The following MYO5B variants were observed in gnomAD, a reference collection of about 807,000 sequenced individuals.
The protein encoded by MYO5B is unconventional myosin-Vb.
MYO5B carries 143 observed loss-of-function variants against 229.3 expected under a neutral mutation model. That is an observed-to-expected ratio of 0.62 (90% CI 0.54 to 0.72). The LOEUF (loss-of-function observed/expected upper bound fraction) is 0.72, where lower values mean the gene tolerates loss of function less well. MYO5B is among the 30% of genes least tolerant of loss of function. The pLI, the probability that MYO5B is intolerant of heterozygous loss-of-function variation, is 0.00. For missense variants in MYO5B, 2,321 were observed against 2,331.0 expected, an observed-to-expected ratio of 1.00 and a Z score of 0.09; for synonymous variants, 918 against 885.2, an observed-to-expected ratio of 1.04 and a Z score of -0.66.
chr18:49,845,211 T>C (rs765763014), intron 33 of MYO5B, among the ~76,000 whole-genome samples: 5 of 152,222 alleles, frequency 3.3e-5, no homozygotes, highest in Non-Finnish European at 5.9e-5. Context: ...TTGAACAAGA[T>C]GCAGTCTGTT....
chr18:50,069,329 C>T lies in MYO5B; in HGVS notation c.28-13951G>A, dbSNP rs544181198. ...CTCTGGAGTCTGTTTTCACTGCTGA[C>T]GTAAGGATGAAGAACAGCATCATGT... is the stretch of plus-strand genomic sequence containing the variant. On this transcript the variant is annotated intron_variant, in intron 1 of 39. Coordinates refer to ENST00000285039, the MANE Select transcript of MYO5B (RefSeq NM_001080467.3). 4.6e-5 allele frequency among the ~76,000 whole-genome samples: 7 copies of T among 152,250 alleles called. No homozygotes were observed. In the East Asian group the frequency reaches 9.6e-4, roughly 21 times the overall value.
intron 5 of MYO5B, among the ~76,000 whole-genome samples, chr18:49,993,696 C>G (rs1235069819): frequency 6.6e-6 from 1 of 152,104 alleles, no homozygotes; most frequent in Non-Finnish European, 1.5e-5. Flanking sequence ...ATAGCCTTAG[C>G]CTGCAACATT....
intron 26 of MYO5B, among the ~76,000 whole-genome samples, chr18:49,872,658 G>A (rs1408339389): frequency 2.6e-5 from 4 of 152,116 alleles, no homozygotes; most frequent in East Asian, 3.9e-4. Context: ...GTCGGAAGAC[G>A]ACACAGGGAA....
chr18:49,926,464 G>C (rs538645584), intron 17 of MYO5B, among the ~76,000 whole-genome samples: 13 of 152,196 alleles, frequency 8.5e-5, no homozygotes, highest in African/African-American at 3.1e-4. Context: ...TGTTAGGACA[G>C]AGGGTCCCAG....
At chr18:49,923,636 G>A (rs1227382835) in intron 17 of MYO5B, among the ~76,000 whole-genome samples, 2 of 152,180 alleles carry the variant, frequency 1.3e-5, no homozygotes, top group African/African-American at 4.8e-5. Flanking sequence ...ATAGACCTCT[G>A]CCTGAGCATG....
At chr18:49,842,460 G>A (rs976363621) in intron 34 of MYO5B, among the ~76,000 whole-genome samples, 1 of 152,238 alleles carries the variant, frequency 6.6e-6, no homozygotes, top group Non-Finnish European at 1.5e-5. Flanking sequence ...CAGAGCTTTT[G>A]AGAATGGCTT....
chr18:49,863,431 C>G (rs1025319553), intron 28 of MYO5B, 104 bp from the exon 29 acceptor site: 5 of 966,554 alleles, frequency 5.2e-6, no homozygotes, highest in Non-Finnish European at 8.1e-6. Context: ...AAGACAAAGG[C>G]CTGGAAAGAA....
At chr18:50,097,350 C>T (rs1053810524) in intron 1 of MYO5B, 1 of 446,416 alleles carries the variant, frequency 2.2e-6, no homozygotes, top group Non-Finnish European at 4.6e-6. Context: ...CCTTACCATT[C>T]TTTTGATTCC....
intron 1 of MYO5B, among the ~76,000 whole-genome samples, chr18:50,123,276 C>A (rs1042045876): frequency 6.6e-6 from 1 of 152,050 alleles, no homozygotes; most frequent in African/African-American, 2.4e-5. Flanking sequence ...CTACCAGGGG[C>A]CAACAGGAGG....
chr18:50,112,184 C>G (rs781010959), intron 1 of MYO5B, among the ~76,000 whole-genome samples: 11 of 152,132 alleles, frequency 7.2e-5, no homozygotes, highest in Non-Finnish European at 1.3e-4. Flanking sequence ...GAGAGCAAAC[C>G]TCCTAAATAT....
intron 29 of MYO5B, among the ~76,000 whole-genome samples, chr18:49,858,093 G>T (rs1360015014): frequency 6.6e-6 from 1 of 152,158 alleles, no homozygotes; most frequent in Non-Finnish European, 1.5e-5. Flanking sequence ...ACCATCTGAA[G>T]GGACTTCCTC....
chr18:50,179,977 T>A (rs985896768), intron 1 of MYO5B, among the ~76,000 whole-genome samples: 1 of 152,170 alleles, frequency 6.6e-6, no homozygotes, highest in African/African-American at 2.4e-5. Context: ...GGAAGGTCCA[T>A]AACCATAAGC....
chr18:49,911,313 A>G (rs1408974871), intron 18 of MYO5B, among the ~76,000 whole-genome samples: 1 of 152,224 alleles, frequency 6.6e-6, no homozygotes, highest in Non-Finnish European at 1.5e-5. Context: ...ATTCTGCTGG[A>G]GTTCAGTCAG....
At chr18:49,879,642 TCATGTGGTTC>T (rs551670263) in intron 23 of MYO5B, among the ~76,000 whole-genome samples, 2 of 152,316 alleles carry the variant, frequency 1.3e-5, no homozygotes, top group Admixed American at 1.3e-4. Context: ...GACTGTGAGG[TCATGTGGTTC>T]CATCCTCTTG....
intron 12 of MYO5B, among the ~76,000 whole-genome samples, chr18:49,961,023 G>A (rs7244316): frequency 0.13 from 19,911 of 152,170 alleles, 1,799 homozygotes; most frequent in African/African-American, 0.25. Context: ...TGGAGGAGAC[G>A]GTTACTGATG....
In MYO5B at chr18:49,826,516, G is replaced by T. The variant is rs778880644; in HGVS notation, c.5502C>A (p.Ile1834=). The part of the protein sequence containing the change: ...FNPSSLTMDS[I]HIPACLNLEF... ...CCAGATTGAGACACGCTGGGATGTG[G>T]ATTGAGTCCATGGTTAGAGAAGATG... Residue 1834 remains isoleucine, a synonymous_variant, in exon 40 of 40, where the codon ATC becomes ATA. Coordinates refer to ENST00000285039, the MANE Select transcript of MYO5B (RefSeq NM_001080467.3). 1.6e-5 allele frequency: 26 copies of T among 1,613,956 alleles called. No homozygotes were observed. In the East Asian group the frequency reaches 5.8e-4, roughly 36 times the overall value.
At chr18:49,962,032 C>T (rs1658208257) in intron 12 of MYO5B, among the ~76,000 whole-genome samples, 1 of 152,100 alleles carries the variant, frequency 6.6e-6, no homozygotes, top group South Asian at 2.1e-4. Flanking sequence ...CACCCAGGCT[C>T]CCCCAAGAGA....
rs2032887651 is a variant in MYO5B at position 50,168,649 on chromosome 18, G to A, written c.27+26118C>T. On this transcript the variant is annotated intron_variant, in intron 1 of 39. Coordinates refer to ENST00000285039, the MANE Select transcript of MYO5B (RefSeq NM_001080467.3). ...ACCCCCACCACTGTTCCAACCCTGT[G>A]TGAATCTCAGACACCACGACCCCTA... Among the ~76,000 whole-genome samples the A allele has an allele frequency of 3.2e-5, 2 of 62,758 alleles. 1 individual carries two copies. Among genetic ancestry groups the A allele is most frequent in the Admixed American group, 3.7e-4 (2 of 5,444 alleles). 41.2% of individuals were successfully genotyped at this position (62,758 alleles called of 152,430 possible).
At chr18:50,074,674 C>G in intron 1 of MYO5B, among the ~76,000 whole-genome samples, 1 of 152,254 alleles carries the variant, frequency 6.6e-6, no homozygotes, top group Middle Eastern at 3.4e-3. Context: ...TTTTCCCGAC[C>G]AACTAATGTA....
Sources: allele counts gnomAD v4.1 joint callset (sites outside exome capture counted in the v4.1 genomes callset), GRCh38; gene constraint gnomAD v4.1.1; transcripts MANE v1.5; gene names NCBI Gene and HGNC (gene_info 2026-07-23, HGNC 2026-07-21).